Variants in SRPK2 observed in about 807,000 individuals in gnomAD.
SRPK2 encodes SFRS protein kinase 2.
In SRPK2, 21 loss-of-function variants were observed where a neutral mutation model predicts 90.8. The observed-to-expected ratio is 0.23, with a 90% CI of 0.16 to 0.33. SRPK2 has a LOEUF of 0.33. Ranked by LOEUF, SRPK2 falls within the 10% of genes least tolerant of loss-of-function variation. The pLI is 1.00. For missense variants in SRPK2, 620 were observed against 869.0 expected, an observed-to-expected ratio of 0.71 and a Z score of 3.60; for synonymous variants, 288 against 311.1, an observed-to-expected ratio of 0.93 and a Z score of 0.78.
rs998742792 is a variant in SRPK2 at position 105,246,055 on chromosome 7, C to T, written c.72-42270G>A. Among the ~76,000 whole-genome samples the T allele has an allele frequency of 1.3e-5, 2 of 152,146 alleles. 1 individual carries two copies. Among genetic ancestry groups the T allele is most frequent in the Non-Finnish European group, 2.9e-5 (2 of 68,024 alleles). Reference sequence around the variant, plus strand: ...CTAGCAGCTGCTGCAAAAAGAAAAGCTGGAAGGTTACATCGGCAAAAATCC... The same window carrying T: ...CTAGCAGCTGCTGCAAAAAGAAAAGTTGGAAGGTTACATCGGCAAAAATCC... On this transcript the variant is annotated intron_variant, in intron 2 of 15. Transcript: ENST00000393651.
chr7:105,233,169 A>C (rs1799727309), intron 2 of SRPK2, among the ~76,000 whole-genome samples: 1 of 150,692 alleles, frequency 6.6e-6, no homozygotes, highest in Admixed American at 6.6e-5. Context: ...GGAAGGAAGG[A>C]GTTTAATGAA....
chr7:105,256,273 G>GT (rs991677965), intron 2 of SRPK2, among the ~76,000 whole-genome samples: 18 of 152,196 alleles, frequency 1.2e-4, no homozygotes, highest in Non-Finnish European at 1.9e-4. Context: ...GGCTGAATCT[G>GT]AAGAGGAGAT....
At chr7:105,240,134 C>CAGA (rs1414828392) in intron 2 of SRPK2, among the ~76,000 whole-genome samples, 1 of 152,154 alleles carries the variant, frequency 6.6e-6, no homozygotes, top group Non-Finnish European at 1.5e-5. Flanking sequence ...AATGTGCCGA[C>CAGA]AGACTGATTC....
chr7:105,268,632 C>T (rs997370412), intron 2 of SRPK2, among the ~76,000 whole-genome samples: 3 of 152,196 alleles, frequency 2.0e-5, no homozygotes, highest in Non-Finnish European at 4.4e-5. Flanking sequence ...AAAAATCAAT[C>T]ACCCTTTGCA....
chr7:105,226,447 T>C (rs1798722090), intron 2 of SRPK2, among the ~76,000 whole-genome samples: 1 of 152,028 alleles, frequency 6.6e-6, no homozygotes, highest in Admixed American at 6.6e-5. Flanking sequence ...CGCGCCACCA[T>C]ACCTGGCTAA....
intron 2 of SRPK2, among the ~76,000 whole-genome samples, chr7:105,208,985 A>G (rs962528369): frequency 6.6e-6 from 1 of 151,926 alleles, no homozygotes; most frequent in Admixed American, 6.6e-5. Flanking sequence ...TTTTAAAAAA[A>G]TAAAAGAAAA....
intron 2 of SRPK2, among the ~76,000 whole-genome samples, chr7:105,275,464 G>C (rs1806365906): frequency 6.6e-6 from 1 of 151,966 alleles, no homozygotes; most frequent in Non-Finnish European, 1.5e-5. Flanking sequence ...CCAACCTACA[G>C]ATCTTCCTCA....
At chr7:105,248,250 T>C (rs1801983436) in intron 2 of SRPK2, among the ~76,000 whole-genome samples, 1 of 152,066 alleles carries the variant, frequency 6.6e-6, no homozygotes, top group African/African-American at 2.4e-5. Flanking sequence ...CATTTATATT[T>C]AAACACCAGT....
At chr7:105,270,764 A>G (rs1472840561) in intron 2 of SRPK2, among the ~76,000 whole-genome samples, 1 of 152,112 alleles carries the variant, frequency 6.6e-6, no homozygotes, top group Non-Finnish European at 1.5e-5. Flanking sequence ...AAACTCTCTA[A>G]AGCCTCTATC....
chr7:105,154,821 C>A (rs773456399), intron 7 of SRPK2, among the ~76,000 whole-genome samples: 1 of 151,758 alleles, frequency 6.6e-6, no homozygotes, highest in South Asian at 2.1e-4. Context: ...ACTACAAGCA[C>A]GTGCCACCAC....
intron 2 of SRPK2, among the ~76,000 whole-genome samples, chr7:105,323,068 G>A (rs1050958033): frequency 3.9e-5 from 6 of 152,036 alleles, no homozygotes; most frequent in African/African-American, 7.2e-5. Flanking sequence ...GCATGGTGGC[G>A]CATGCCTGTA....
At chr7:105,244,184 G>A (rs1027269875) in intron 2 of SRPK2, among the ~76,000 whole-genome samples, 13 of 152,352 alleles carry the variant, frequency 8.5e-5, no homozygotes, top group African/African-American at 3.1e-4. Context: ...TGAGAACACA[G>A]AGAAGTTGGG....
intron 2 of SRPK2, among the ~76,000 whole-genome samples, chr7:105,288,911 T>A (rs58306520): frequency 0.039 from 5,959 of 152,150 alleles, 423 homozygotes; most frequent in African/African-American, 0.14. Context: ...GAGGTAAGTA[T>A]AAAATCTCTC....
intron 2 of SRPK2, among the ~76,000 whole-genome samples, chr7:105,313,446 C>CA (rs546210374): frequency 0.085 from 5,480 of 64,316 alleles, 149 homozygotes; most frequent in East Asian, 0.11. Context: ...GACTCCATCT[C>CA]AAAAAAAAAA....
At chr7:105,394,411 G>A (rs1822266662) in intron 1 of SRPK2, among the ~76,000 whole-genome samples, 2 of 151,886 alleles carry the variant, frequency 1.3e-5, no homozygotes, top group Admixed American at 1.3e-4. Flanking sequence ...AAAGTGCTGG[G>A]ATTACAGGCG....
chr7:105,390,227 A>T (rs1437524260), upstream of SRPK2, among the ~76,000 whole-genome samples: 1 of 152,156 alleles, frequency 6.6e-6, no homozygotes, highest in Non-Finnish European at 1.5e-5. Flanking sequence ...AAACTTTCAT[A>T]CTAATACAAT....
chr7:105,280,757 C>T (rs1168001245), intron 2 of SRPK2, among the ~76,000 whole-genome samples: 1 of 150,480 alleles, frequency 6.6e-6, no homozygotes, highest in African/African-American at 2.5e-5. Context: ...ACCATCCAGG[C>T]TAACACAGTG....
In SRPK2 at chr7:105,219,764, AC is replaced by A. The variant is rs1347983537; in HGVS notation, c.72-15980del. Reference sequence around the variant, plus strand: ...TTTCATAATCTGACAGTGATCATAAACTTTTAAAATGTTACTCAAATTTGCA... The same window carrying A: ...TTTCATAATCTGACAGTGATCATAAATTTTAAAATGTTACTCAAATTTGCA... On this transcript the variant is annotated intron_variant, in intron 2 of 15. Transcript: ENST00000393651. Among the ~76,000 whole-genome samples the A allele has an allele frequency of 7.2e-5, 11 of 152,220 alleles. No homozygotes were observed. The South Asian group carries it at 1.7e-3, about 23-fold the overall frequency.
chr7:105,130,382 T>A (rs764082739), intron 13 of SRPK2, among the ~76,000 whole-genome samples: 3 of 152,034 alleles, frequency 2.0e-5, no homozygotes, highest in Non-Finnish European at 4.4e-5. Context: ...AAACTCCATC[T>A]CTACAAAAAA....
Sources: gnomAD v4.1 joint callset for allele counts (sites outside exome capture counted in the v4.1 genomes callset) on GRCh38, gnomAD v4.1.1 for gene constraint, MANE v1.5 for transcripts, NCBI Gene and HGNC (gene_info 2026-07-23, HGNC 2026-07-21) for gene names.